Variants in SMCHD1 observed in about 807,000 individuals in gnomAD.
SMCHD1 encodes structural maintenance of chromosomes flexible hinge domain-containing protein 1.
Under a neutral mutation model 254.7 loss-of-function variants are expected in SMCHD1, and 78 were observed. That is an observed-to-expected ratio of 0.31 (90% confidence interval 0.26 to 0.37). The LOEUF (loss-of-function observed/expected upper bound fraction) is 0.37. Among genes scored for constraint, SMCHD1 ranks in the 10% least tolerant of loss-of-function variants. SMCHD1 has a pLI of 1.00. For missense variants in SMCHD1, 1,840 were observed against 2,408.1 expected (o/e 0.76, Z 4.94); for synonymous variants, 766 against 794.9 (o/e 0.96, Z 0.61).
chr18:2,674,024 G>A lies in SMCHD1; in HGVS notation c.517G>A (p.Glu173Lys). ...RRIQIKLLFD[E>K]TQGKPAVAVI... is the part of the protein sequence containing the mutation. ...TTATTTTGTTTCATAGCTTTTTGAT[G>A]AAACACAAGGAAAACCTGCTGTTGC... Residue 173 changes from glutamate to lysine, a missense_variant, in exon 5 of 48, where the codon GAA becomes AAA. Glu to Lys is a moderately conservative substitution (Grantham distance 56). This residue lies in a region of SMCHD1 where 498 missense variants were observed against 743.5 expected (regional missense o/e 0.67). Coordinates refer to ENST00000320876, the MANE Select transcript of SMCHD1 (RefSeq NM_015295.3). 1 of 1,582,232 alleles carries A rather than the reference G, an allele frequency of 6.3e-7. No individual in the cohort carries two copies. Among genetic ancestry groups the A allele is most frequent in the Non-Finnish European group, 8.6e-7 (1 of 1,165,442 alleles).
intron 29 of SMCHD1, 45 bp downstream of exon 29, chr18:2,743,973 G>T: frequency 6.9e-7 from 1 of 1,445,952 alleles, no homozygotes; most frequent in South Asian, 1.4e-5. Flanking sequence ...ATATCATATG[G>T]CTTATTACTT....
rs1193290343 is a variant in SMCHD1, at chr18:2,804,723, A to G, written c.*2171A>G. The G allele has an allele frequency of 1.3e-5, 2 of 152,232 alleles. No individual in the cohort carries two copies. Among genetic ancestry groups the G allele is most frequent in the Non-Finnish European group, 2.9e-5 (2 of 68,034 alleles). The allele number at this position is 152,232 out of a possible 1,614,324, so 9.4% of individuals were successfully genotyped here. A position where few individuals can be genotyped will look rare whatever the true frequency, so the allele number is the denominator to read the frequency against. ...TACATTTGAGCAAATACTGAGGTTC[A>G]TGTTGTACCAAATAATAATAAATTG... On this transcript the variant is annotated 3_prime_UTR_variant, in exon 48 of 48. Transcript: ENST00000320876.
At chr18:2,728,827 T>C in intron 23 of SMCHD1, 2 of 404,740 alleles carry the variant, frequency 4.9e-6, no homozygotes, top group Non-Finnish European at 8.7e-6. Context: ...TTTACTCACC[T>C]CTCCTCTCTT....
chr18:2,719,815 AC>A (rs1334394035), intron 19 of SMCHD1, among the ~76,000 whole-genome samples: 1 of 151,926 alleles, frequency 6.6e-6, no homozygotes, highest in Non-Finnish European at 1.5e-5. Flanking sequence ...AGCTGGGATT[AC>A]AGGCGTATGC....
chr18:2,661,434 T>C (rs1476917889), intron 1 of SMCHD1, among the ~76,000 whole-genome samples: 1 of 152,106 alleles, frequency 6.6e-6, no homozygotes, highest in Non-Finnish European at 1.5e-5. Context: ...AATCTGTGGG[T>C]TTTTAATATG....
At chr18:2,660,045 A>G (rs1285613683) in intron 1 of SMCHD1, among the ~76,000 whole-genome samples, 2 of 152,072 alleles carry the variant, frequency 1.3e-5, no homozygotes, top group Non-Finnish European at 2.9e-5. Flanking sequence ...GAAGTTGGGG[A>G]CGGCATAGTG....
At chr18:2,725,182 C>T (rs535795028) in intron 21 of SMCHD1, among the ~76,000 whole-genome samples, 187 bp downstream of exon 21, 2 of 152,142 alleles carry the variant, frequency 1.3e-5, no homozygotes, top group Admixed American at 6.5e-5. Context: ...AAAGTTGGCA[C>T]ATTTACTACT....
In SMCHD1 at chr18:2,804,735, A is replaced by C. The variant is rs1217079623; in HGVS notation, c.*2183A>C. ...AATACTGAGGTTCATGTTGTACCAA[A>C]TAATAATAAATTGCTTTTGTGTTTA... On this transcript the variant is annotated 3_prime_UTR_variant, in exon 48 of 48. Transcript: ENST00000320876. The C allele has an allele frequency of 1.3e-5, 2 of 152,230 alleles. No individual in the cohort carries two copies. Among genetic ancestry groups the C allele is most frequent in the Non-Finnish European group, 2.9e-5 (2 of 68,040 alleles). 9.4% of individuals were successfully genotyped at this position (152,230 alleles called of 1,614,324 possible).
chr18:2,701,102 C>G, intron 12 of SMCHD1, 184 bp downstream of exon 12: 1 of 441,772 alleles, frequency 2.3e-6, no homozygotes, highest in East Asian at 3.4e-5. Flanking sequence ...TTAGTAATGA[C>G]TAAACCTACC....
intron 34 of SMCHD1, 98 bp downstream of exon 34, chr18:2,752,650 A>C (rs962839112): frequency 2.7e-6 from 2 of 730,976 alleles, no homozygotes; most frequent in African/African-American, 3.7e-5. Flanking sequence ...AAAGTAATTT[A>C]TGATCAAATA....
chr18:2,722,671 G>A lies in SMCHD1; in HGVS notation c.2603+8G>A. 6.2e-7 allele frequency: 1 copy of A among 1,605,322 alleles called. No homozygotes were observed. Among genetic ancestry groups the A allele is most frequent in the Non-Finnish European group, 8.5e-7 (1 of 1,176,938 alleles). On this transcript the variant is annotated splice_region_variant and intron_variant, in intron 20 of 47. Coordinates refer to ENST00000320876, the MANE Select transcript of SMCHD1 (RefSeq NM_015295.3). The stretch of plus-strand genomic sequence containing the variant: ...GCCAGTTCTTGAAGCAAGGTAATTT[G>A]AAGGATCAATATGTATTTGTCCTTT...
chr18:2,677,773 C>T (rs1466496952), intron 5 of SMCHD1, among the ~76,000 whole-genome samples: 1 of 152,146 alleles, frequency 6.6e-6, no homozygotes, highest in Admixed American at 6.6e-5. Flanking sequence ...ACCACAGGTG[C>T]ATGTCACCAC....
intron 17 of SMCHD1, among the ~76,000 whole-genome samples, chr18:2,713,257 A>G (rs923118362): frequency 1.3e-5 from 2 of 152,224 alleles, no homozygotes; most frequent in Non-Finnish European, 2.9e-5. Flanking sequence ...TATAGGAGGT[A>G]ATTAATTAAT....
At chr18:2,794,548 T>C (rs1408757478) in intron 45 of SMCHD1, among the ~76,000 whole-genome samples, 2 of 152,142 alleles carry the variant, frequency 1.3e-5, no homozygotes, top group African/African-American at 4.8e-5. Context: ...TCTTGGCCAA[T>C]GAGTGGTAGT....
At chr18:2,698,195 T>C (rs1400795211) in intron 10 of SMCHD1, among the ~76,000 whole-genome samples, 154 bp downstream of exon 10, 1 of 152,242 alleles carries the variant, frequency 6.6e-6, no homozygotes, top group Non-Finnish European at 1.5e-5. Flanking sequence ...TTTGTAATTT[T>C]TGTAATTCCT....
intron 12 of SMCHD1, chr18:2,701,131 G>T (rs555536249): frequency 1.4e-5 from 5 of 366,922 alleles, no homozygotes; most frequent in Middle Eastern, 7.4e-4. Context: ...ACTAGGTTTG[G>T]ATAGAATTTA....
intron 20 of SMCHD1, among the ~76,000 whole-genome samples, chr18:2,724,539 C>T (rs1450889478): frequency 6.6e-6 from 1 of 152,122 alleles, no homozygotes; most frequent in Non-Finnish European, 1.5e-5. Context: ...CTGAGGACAT[C>T]CTTAAACCTG....
chr18:2,734,901 C>T (rs1312807593), intron 25 of SMCHD1, among the ~76,000 whole-genome samples: 1 of 151,894 alleles, frequency 6.6e-6, no homozygotes, highest in African/African-American at 2.4e-5. Flanking sequence ...AACCCCATCT[C>T]TACTAGAAAA....
At chr18:2,794,179 G>T (rs1221584628) in intron 45 of SMCHD1, among the ~76,000 whole-genome samples, 1 of 152,084 alleles carries the variant, frequency 6.6e-6, no homozygotes, top group African/African-American at 2.4e-5. Flanking sequence ...AACTGGATAG[G>T]CCAGTGGGCT....
Sources: allele counts gnomAD v4.1 joint callset (sites outside exome capture counted in the v4.1 genomes callset), GRCh38; gene constraint gnomAD v4.1.1; regional missense constraint gnomAD v4.1.1; transcripts MANE v1.5; gene names NCBI Gene and HGNC (gene_info 2026-07-23, HGNC 2026-07-21).